WIPF3: variants seen among roughly 807,000 people sequenced by gnomAD.
WIPF3 encodes WAS/WASL interacting protein family member 3.
A neutral mutation model predicts 38.9 loss-of-function variants in WIPF3; 33 were observed. That is an observed-to-expected ratio of 0.85 (90% confidence interval 0.64 to 1.14). WIPF3 has a LOEUF of 1.14. Among genes scored for constraint, WIPF3 ranks in the 50% most tolerant of loss-of-function variants. The probability of loss-of-function intolerance (pLI) is 0.00; values close to 1 mark genes in which losing one functional copy is unlikely to be tolerated. For synonymous variants in WIPF3, 324 were observed against 269.3 expected (o/e 1.20, Z -1.99); for missense variants, 711 against 652.5 (o/e 1.09, Z -0.98).
intron 5 of WIPF3, among the ~76,000 whole-genome samples, chr7:29,887,123 T>C (rs1045421167): frequency 2.0e-5 from 3 of 152,166 alleles, no homozygotes; most frequent in Non-Finnish European, 4.4e-5. Flanking sequence ...CTTCATCTGC[T>C]CCAGAGTAGT....
chr7:29,872,798 C>CA (rs61693654), intron 2 of WIPF3, among the ~76,000 whole-genome samples: 4,543 of 30,948 alleles, frequency 0.15, 1,278 homozygotes, highest in African/African-American at 0.24. Flanking sequence ...GACTCCATCT[C>CA]AAAAAAAAAA....
intron 5 of WIPF3, among the ~76,000 whole-genome samples, chr7:29,885,029 A>G (rs1356076034): frequency 2.0e-5 from 3 of 152,094 alleles, no homozygotes; most frequent in Admixed American, 2.0e-4. Flanking sequence ...TGTTTCCAGA[A>G]CCAGGCCTCC....
intron 2 of WIPF3, among the ~76,000 whole-genome samples, chr7:29,868,038 A>C (rs1259557808): frequency 2.6e-5 from 4 of 152,238 alleles, no homozygotes; most frequent in Non-Finnish European, 4.4e-5. Flanking sequence ...AATACTGGGC[A>C]AGATATGAGC....
intron 7 of WIPF3, among the ~76,000 whole-genome samples, chr7:29,894,236 G>A (rs925685825): frequency 1.3e-5 from 2 of 152,092 alleles, no homozygotes; most frequent in Admixed American, 6.6e-5. Flanking sequence ...TTTTATGTCC[G>A]TGGTGCTCAC....
In WIPF3 at chr7:29,878,231, A is replaced by G. The variant is rs1785644089; in HGVS notation, c.224-778A>G. 6.6e-6 allele frequency among the ~76,000 whole-genome samples: 1 copy of G among 152,220 alleles called. No individual in the cohort carries two copies. Among genetic ancestry groups the G allele is most frequent in the Admixed American group, 6.5e-5 (1 of 15,286 alleles). On this transcript the variant is annotated intron_variant, in intron 3 of 8. Coordinates refer to ENST00000242140, the MANE Select transcript of WIPF3 (RefSeq NM_001080529.3). This position sits in a 1 kb window ranked among gnomAD's most constrained non-coding sequence, Gnocchi z 4.0. Reference sequence around the variant, plus strand: ...CATGAGTAAGTAATGTACAATATTAATACTCAGAATAATCTGGCCACTTTC... The same window carrying G: ...CATGAGTAAGTAATGTACAATATTAGTACTCAGAATAATCTGGCCACTTTC...
chr7:29,834,874 G>T, intron 2 of WIPF3, 60 bp downstream of exon 2: 1 of 1,504,536 alleles, frequency 6.6e-7, no homozygotes, highest in Non-Finnish European at 8.9e-7. Context: ...ATACACTTGA[G>T]CAGAAGGTTT....
chr7:29,904,050 C>T (rs897812278), intron 7 of WIPF3, among the ~76,000 whole-genome samples: 1 of 152,120 alleles, frequency 6.6e-6, no homozygotes, highest in Non-Finnish European at 1.5e-5. Context: ...GAAGTTCTAA[C>T]GTGCATTTAT....
chr7:29,873,193 C>T (rs981533298), intron 2 of WIPF3, among the ~76,000 whole-genome samples: 1 of 152,204 alleles, frequency 6.6e-6, no homozygotes, highest in African/African-American at 2.4e-5. Flanking sequence ...TGACCCTCCC[C>T]TCCAATCCCC....
intron 1 of WIPF3, among the ~76,000 whole-genome samples, chr7:29,809,806 A>C (rs1010032071): frequency 6.6e-6 from 1 of 152,182 alleles, no homozygotes; most frequent in Non-Finnish European, 1.5e-5. Context: ...AACGTGACAA[A>C]AATGCCCAGC....
chr7:29,882,899 G>C (rs1189783736), intron 4 of WIPF3, among the ~76,000 whole-genome samples: 1 of 152,186 alleles, frequency 6.6e-6, no homozygotes, highest in Non-Finnish European at 1.5e-5. Context: ...CTCCTGAGTA[G>C]ACAGTGATAC....
At chr7:29,862,424 G>C (rs1195634545) in intron 2 of WIPF3, among the ~76,000 whole-genome samples, 1 of 152,168 alleles carries the variant, frequency 6.6e-6, no homozygotes, top group African/African-American at 2.4e-5. Context: ...CGGCAAGGAT[G>C]GTCACTTGGG....
intron 2 of WIPF3, among the ~76,000 whole-genome samples, chr7:29,855,457 A>T (rs192395183): frequency 6.6e-6 from 1 of 152,362 alleles, no homozygotes; most frequent in Admixed American, 6.5e-5. Context: ...CTAGAAGCTT[A>T]TATGGAGAAT....
At chr7:29,831,044 A>G (rs919564706) in intron 1 of WIPF3, among the ~76,000 whole-genome samples, 1 of 152,222 alleles carries the variant, frequency 6.6e-6, no homozygotes, top group Non-Finnish European at 1.5e-5. Context: ...GCTGAGCTGA[A>G]ATAACAGGAC....
At chr7:29,837,367 C>T (rs972276157) in intron 2 of WIPF3, among the ~76,000 whole-genome samples, 2 of 152,082 alleles carry the variant, frequency 1.3e-5, no homozygotes, top group Non-Finnish European at 2.9e-5. Flanking sequence ...AAAAAACAAA[C>T]AAACAAACAA....
intron 2 of WIPF3, among the ~76,000 whole-genome samples, chr7:29,868,664 C>T (rs1583610615): frequency 6.6e-6 from 1 of 151,940 alleles, no homozygotes; most frequent in Non-Finnish European, 1.5e-5. Context: ...GTGATTTTGT[C>T]ATCATGTGAA....
chr7:29,910,408 G>T (rs2190086), intron 8 of WIPF3, among the ~76,000 whole-genome samples: 1 of 152,028 alleles, frequency 6.6e-6, no homozygotes, highest in East Asian at 1.9e-4. Flanking sequence ...AGGAGGGAAC[G>T]CTTTTTATCT....
chr7:29,906,830 A>G (rs960016677), intron 8 of WIPF3, among the ~76,000 whole-genome samples: 1 of 152,232 alleles, frequency 6.6e-6, no homozygotes, highest in Non-Finnish European at 1.5e-5. Flanking sequence ...CAGTAAATTT[A>G]TCATCCAAAC....
chr7:29,859,586 T>C (rs2128070308), intron 2 of WIPF3, among the ~76,000 whole-genome samples: 1 of 152,232 alleles, frequency 6.6e-6, no homozygotes, highest in East Asian at 1.9e-4. Flanking sequence ...AGACAGGATA[T>C]ATGAAAGTAG....
intron 3 of WIPF3, among the ~76,000 whole-genome samples, chr7:29,876,882 G>C (rs1785608968): frequency 6.6e-6 from 1 of 152,128 alleles, no homozygotes; most frequent in Admixed American, 6.5e-5. Context: ...ACAAATCGGG[G>C]AGCCTCTTTG....
Sources: allele counts gnomAD v4.1 joint callset (sites outside exome capture counted in the v4.1 genomes callset), GRCh38; gene constraint gnomAD v4.1.1; non-coding constraint Gnocchi (gnomAD v3.1); transcripts MANE v1.5; gene names NCBI Gene and HGNC (gene_info 2026-07-23, HGNC 2026-07-21).